The following EPCAM variants were observed in gnomAD, a reference collection of about 807,000 sequenced individuals.
EPCAM encodes the protein epithelial cell adhesion molecule.
A neutral mutation model predicts 40.0 loss-of-function variants in EPCAM; 39 were observed. That is an observed-to-expected ratio of 0.98 (90% CI 0.76 to 1.27). The LOEUF (loss-of-function observed/expected upper bound fraction) is 1.27, where lower values mean the gene tolerates loss of function less well. Ranked by LOEUF, EPCAM falls within the 50% of genes most tolerant of loss-of-function variation. The pLI is 0.00. For synonymous variants in EPCAM, 168 were observed against 132.3 expected (o/e 1.27, Z -1.85); for missense variants, 503 against 381.2 (o/e 1.32, Z -2.66).
rs4952886 is a variant in EPCAM at position 47,385,017 on chromosome 2, A to G, written c.859-149A>G. Reference sequence around the variant, plus strand: ...CCACTCCACTGGTGTGAAATTTTTAATTTAAGAAGCAATAAATGTTTATGG... The same window carrying G: ...CCACTCCACTGGTGTGAAATTTTTAGTTTAAGAAGCAATAAATGTTTATGG... On this transcript the variant is annotated intron_variant, in intron 7 of 8. Coordinates refer to ENST00000263735, the MANE Select transcript of EPCAM (RefSeq NM_002354.3). The G allele has an allele frequency of 0.092, 61,954 of 674,418 alleles. 3,317 individuals are homozygous for G. Among genetic ancestry groups the G allele is most frequent in the East Asian group, 0.18 (6,585 of 36,230 alleles). The allele number at this position is 674,418 out of a possible 1,614,324, so 41.8% of individuals were successfully genotyped here.
chr2:47,374,403 G>A (rs1350978077), intron 3 of EPCAM, among the ~76,000 whole-genome samples: 1 of 152,008 alleles, frequency 6.6e-6, no homozygotes, highest in Non-Finnish European at 1.5e-5. Context: ...TTTAACCTAT[G>A]TATTTGCTTA....
Position 47,386,729 on chromosome 2 carries a change from T to C in EPCAM, c.*116T>C, listed in dbSNP as rs1400601476. 6.0e-6 allele frequency: 5 copies of C among 827,038 alleles called. No individual in the cohort carries two copies. The highest frequency in any genetic ancestry group is 1.0e-5 in the Non-Finnish European group (5 of 490,150). The allele number at this position is 827,038 out of a possible 1,614,324, so 51.2% of individuals were successfully genotyped here. ...TCATGAGTTTGTTAGTTTAACATCA[T>C]ATATTTGTAATAGTGAAACCTGTAC... On this transcript the variant is annotated 3_prime_UTR_variant, in exon 9 of 9. Transcript: ENST00000263735.
intron 1 of EPCAM, chr2:47,369,843 A>C (rs957308803): frequency 4.9e-6 from 3 of 614,306 alleles, no homozygotes; most frequent in Non-Finnish European, 9.3e-6. Flanking sequence ...GGCGGGGGAC[A>C]GGCAGGGAAC....
intron 4 of EPCAM, among the ~76,000 whole-genome samples, chr2:47,376,152 C>G (rs1441673165): frequency 6.6e-6 from 1 of 151,546 alleles, no homozygotes; most frequent in Admixed American, 6.6e-5. Context: ...CGAACAGTTT[C>G]TTGGCCTTTC....
At chr2:47,373,611 C>T (rs780761609) in intron 2 of EPCAM, 41 bp downstream of exon 2, 1 of 1,494,072 alleles carries the variant, frequency 6.7e-7, no homozygotes, top group Non-Finnish European at 9.3e-7. Context: ...TTTATTTTGA[C>T]TTAATACTTC....
In EPCAM at chr2:47,369,640, C is replaced by A. The variant is rs757063495; in HGVS notation, c.76+59C>A. The A allele has an allele frequency of 5.8e-5, 87 of 1,506,746 alleles. 1 individual carries two copies. The Admixed American group carries it at 5.9e-4, about 10-fold the overall frequency. The allele number at this position is 1,506,746 out of a possible 1,614,324, so 93.3% of individuals were successfully genotyped here. ...GGGCTGGGCTGGGGGGCAGCGGCCC[C>A]CGGCCCTCGGCCCCCGAAACGGGCA... is the stretch of plus-strand genomic sequence containing the variant. On this transcript the variant is annotated intron_variant, in intron 1 of 8. Transcript: ENST00000263735.
rs759960861 is a variant in EPCAM at position 47,379,895 on chromosome 2, C to A, written c.784C>A (p.Gln262Lys). 1 of 1,614,146 alleles carries A rather than the reference C, an allele frequency of 6.2e-7. No homozygotes were observed. The highest frequency in any genetic ancestry group is 8.5e-7 in the Non-Finnish European group (1 of 1,180,026). ...TGAAAAAGCACCTGAATTCTCAATG[C>A]AGGGTCTAAAAGCTGGTGTTATTGC... ...VDEKAPEFSM[Q>K]GLKAGVIAVI... is the part of the protein sequence containing the mutation. Residue 262 changes from glutamine to lysine, a missense_variant, in exon 7 of 9, where the codon CAG becomes AAG. Coordinates refer to ENST00000263735, the MANE Select transcript of EPCAM (RefSeq NM_002354.3).
chr2:47,380,074 G>A (rs1386022316), intron 7 of EPCAM, 105 bp downstream of exon 7: 5 of 1,531,864 alleles, frequency 3.3e-6, no homozygotes, highest in African/African-American at 1.4e-5. Flanking sequence ...CCTACACTTT[G>A]GGAGGCTGAG....
intron 1 of EPCAM, 184 bp downstream of exon 1, chr2:47,369,765 G>GGCCGTCCCGGGGAGC: frequency 1.4e-6 from 1 of 723,488 alleles, no homozygotes; most frequent in Non-Finnish European, 2.5e-6. Flanking sequence ...AAACGGCGAG[G>GGCCGTCCCGGGGAGC]GCCGTCCCGG....
At chr2:47,378,171 G>T (rs1460297666) in intron 5 of EPCAM, among the ~76,000 whole-genome samples, 2 of 152,118 alleles carry the variant, frequency 1.3e-5, no homozygotes, top group African/African-American at 2.4e-5. Flanking sequence ...GGCGGAGCTT[G>T]CAGTCAGCTG....
rs940095599 is a variant in EPCAM at position 47,373,225 on chromosome 2, A to AC, written c.77-238_77-237insC. Reference sequence around the variant, plus strand: ...ATCTTTAAAAAAAAAAAAAAAAAAAAAAAAAAAAAACAGGAATGCATGCAG... The same window carrying AC: ...ATCTTTAAAAAAAAAAAAAAAAAAAACAAAAAAAAAACAGGAATGCATGCAG... On this transcript the variant is annotated intron_variant, in intron 1 of 8. Transcript: ENST00000263735. Among the ~76,000 whole-genome samples the AC allele has an allele frequency of 3.3e-4, 50 of 150,462 alleles. 1 individual carries two copies. Among genetic ancestry groups the AC allele is most frequent in the Non-Finnish European group, 6.2e-4 (42 of 67,630 alleles).
chr2:47,376,587 G>A (rs191379877), intron 4 of EPCAM, among the ~76,000 whole-genome samples: 10 of 152,220 alleles, frequency 6.6e-5, no homozygotes, highest in African/African-American at 2.2e-4. Context: ...ACTAAAAGCA[G>A]GTTATGCATT....
rs1671751461 is a variant in EPCAM at position 47,386,723 on chromosome 2, ACAT to A, written c.*114_*116del. On this transcript the variant is annotated 3_prime_UTR_variant, in exon 9 of 9. Coordinates refer to ENST00000263735, the MANE Select transcript of EPCAM (RefSeq NM_002354.3). ...TGAAGGTCATGAGTTTGTTAGTTTA[ACAT>A]CATATATTTGTAATAGTGAAACCTG... 1 of 859,252 alleles carries A rather than the reference ACAT, an allele frequency of 1.2e-6. No individual in the cohort carries two copies. Among genetic ancestry groups the A allele is most frequent in the Middle Eastern group, 2.8e-4 (1 of 3,550 alleles). The allele number at this position is 859,252 out of a possible 1,614,324, so 53.2% of individuals were successfully genotyped here.
intron 7 of EPCAM, among the ~76,000 whole-genome samples, chr2:47,383,712 G>A (rs1314907734): frequency 1.6e-5 from 2 of 127,302 alleles, no homozygotes; most frequent in African/African-American, 6.1e-5. Flanking sequence ...TCGGCTCACT[G>A]CAACCTCCAT....
In EPCAM at chr2:47,375,557, A is replaced by T. The variant is rs1162174891; in HGVS notation, c.491+258A>T. On this transcript the variant is annotated intron_variant, in intron 4 of 8. Transcript: ENST00000263735. ...GTGTGTGCTTTACATCAGTGTATCT[A>T]TGCATGTATAAATATTTTTCCCAGA... 3.3e-5 allele frequency among the ~76,000 whole-genome samples: 5 copies of T among 152,274 alleles called. No homozygotes were observed. In the East Asian group the frequency reaches 7.7e-4, roughly 23 times the overall value.
chr2:47,374,577 G>A (rs1032350397), intron 3 of EPCAM, among the ~76,000 whole-genome samples: 2 of 152,062 alleles, frequency 1.3e-5, no homozygotes, highest in African/African-American at 4.8e-5. Context: ...TTTCTGTTCT[G>A]GTCTTCTGGA....
At position 47,379,831 on chromosome 2, in the gene EPCAM, G is replaced by T. The variant is rs565682940; in HGVS notation, c.720G>T (p.Leu240=). 1.2e-6 allele frequency: 2 copies of T among 1,614,026 alleles called. No homozygotes were observed. The highest frequency in any genetic ancestry group is 1.7e-6 in the Non-Finnish European group (2 of 1,179,992). The change falls in exon 7 of 9, where the codon CTG becomes CTT. Residue 240 remains leucine (L), a synonymous_variant. Coordinates refer to ENST00000263735, the MANE Select transcript of EPCAM (RefSeq NM_002354.3). The part of the protein sequence containing the change: ...KMDLTVNGEQ[L]DLDPGQTLIY... The stretch of plus-strand genomic sequence containing the variant: ...ACCTGACAGTAAATGGGGAACAACT[G>T]GATCTGGATCCTGGTCAAACTTTAA...
chr2:47,374,147 C>T (rs1367553722), intron 3 of EPCAM, 99 bp downstream of exon 3: 4 of 1,415,828 alleles, frequency 2.8e-6, no homozygotes, highest in African/African-American at 1.4e-5. Flanking sequence ...GTTTAGAATT[C>T]AGAAGATATG....
At position 47,381,392 on chromosome 2, in the gene EPCAM, CAA is replaced by C. The variant is rs370875469; in HGVS notation, c.858+1442_858+1443del. Among the ~76,000 whole-genome samples the C allele has an allele frequency of 3.0e-4, 22 of 74,350 alleles. No homozygotes were observed. In the Admixed American group the frequency reaches 3.3e-3, roughly 11 times the overall value. 48.8% of individuals were successfully genotyped at this position (74,350 alleles called of 152,430 possible). On this transcript the variant is annotated intron_variant, in intron 7 of 8. Coordinates refer to ENST00000263735, the MANE Select transcript of EPCAM (RefSeq NM_002354.3). ...GAGCAACAAGAGTGAAACTCCGTCT[CAA>C]AAAAAAAAAAAAAAAAAAGAAATCT... is the stretch of plus-strand genomic sequence containing the variant.
Sources: allele counts gnomAD v4.1 joint callset (sites outside exome capture counted in the v4.1 genomes callset), GRCh38; gene constraint gnomAD v4.1.1; transcripts MANE v1.5; gene names NCBI Gene and HGNC (gene_info 2026-07-23, HGNC 2026-07-21).